PIK3R3: variants seen among roughly 807,000 people sequenced by gnomAD.
PIK3R3 encodes the protein phosphatidylinositol 3-kinase regulatory subunit gamma.
PIK3R3 carries 64 observed loss-of-function variants against 62.9 expected under a neutral mutation model. That is an observed-to-expected ratio of 1.02 (90% CI 0.83 to 1.25). The LOEUF (loss-of-function observed/expected upper bound fraction) is 1.25. Among genes scored for constraint, PIK3R3 ranks in the 50% most tolerant of loss-of-function variants. The probability of loss-of-function intolerance (pLI) is 0.00; values close to 1 mark genes in which losing one functional copy is unlikely to be tolerated. For synonymous variants in PIK3R3, 165 were observed against 189.0 expected (o/e 0.87, Z 1.04); for missense variants, 614 against 561.6 (o/e 1.09, Z -0.94).
chr1:46,071,995 G>C (rs1213289940), intron 3 of PIK3R3, among the ~76,000 whole-genome samples: 1 of 151,716 alleles, frequency 6.6e-6, no homozygotes, highest in Non-Finnish European at 1.5e-5. Context: ...CCGTATATTT[G>C]CTCCTATTGT....
At chr1:46,151,483 T>G in the PIK3R3 span, among the ~76,000 whole-genome samples, 1 of 152,130 alleles carries the variant, frequency 6.6e-6, no homozygotes, top group African/African-American at 2.4e-5. Context: ...GTGGTTCACA[T>G]CTGTAATCCC....
chr1:46,069,180 G>A (rs1649273205), intron 3 of PIK3R3, among the ~76,000 whole-genome samples: 1 of 152,168 alleles, frequency 6.6e-6, no homozygotes, highest in Admixed American at 6.6e-5. Context: ...TAAGCAATCA[G>A]AAGAATGGAA....
chr1:46,145,376 A>T, the PIK3R3 span, among the ~76,000 whole-genome samples: 1 of 152,112 alleles, frequency 6.6e-6, no homozygotes, highest in African/African-American at 2.4e-5. Flanking sequence ...CTTTTTAAAA[A>T]AAAAAAAAAG....
At chr1:46,123,814 T>C (rs1203533700) in intron 1 of PIK3R3, among the ~76,000 whole-genome samples, 1 of 152,234 alleles carries the variant, frequency 6.6e-6, no homozygotes, top group Non-Finnish European at 1.5e-5. Context: ...GCATTTAACA[T>C]AGTGCTTGGA....
chr1:46,124,568 G>C (rs559596709), intron 1 of PIK3R3, among the ~76,000 whole-genome samples: 2 of 151,850 alleles, frequency 1.3e-5, no homozygotes, highest in Admixed American at 1.3e-4. Flanking sequence ...AGGCCGAGGC[G>C]GGAAGACCAC....
At position 46,055,827 on chromosome 1, in the gene PIK3R3, G is replaced by C. The variant is rs758834403; in HGVS notation, c.909C>G (p.Ile303Met). 1.4e-6 allele frequency: 2 copies of C among 1,469,936 alleles called. No homozygotes were observed. The highest frequency in any genetic ancestry group is 1.8e-6 in the Non-Finnish European group (2 of 1,110,460). The allele number at this position is 1,469,936 out of a possible 1,614,324, so 91.1% of individuals were successfully genotyped here. A position where few individuals can be genotyped will look rare whatever the true frequency, so the allele number is the denominator to read the frequency against. The change falls in exon 7 of 10, where the codon ATC becomes ATG. Residue 303 changes from isoleucine (I) to methionine (M), a missense_variant. Ile to Met is a conservative substitution (Grantham distance 10, BLOSUM62 1). Transcript: ENST00000262741. ...GTTGATCTCGGATCTTTCGCAGCTGGATCAGGTCAGGTTTGATGCTATTCA... is the reference window on the plus strand; with the variant it reads ...GTTGATCTCGGATCTTTCGCAGCTGCATCAGGTCAGGTTTGATGCTATTCA... Reference protein sequence around the residue: ...KKMNSIKPDLIQLRKIRDQHL... With the variant: ...KKMNSIKPDLMQLRKIRDQHL...
chr1:46,062,088 G>A lies in PIK3R3; in HGVS notation c.622-17C>T, dbSNP rs757398147. The stretch of plus-strand genomic sequence containing the variant: ...CTGTATTTCCTACAGGAGAGAAAAA[G>A]AAAAAACACAGGCTTCATTATCTTT... On this transcript the variant is annotated splice_polypyrimidine_tract_variant and intron_variant, in intron 5 of 9. Coordinates refer to ENST00000262741, the MANE Select transcript of PIK3R3 (RefSeq NM_003629.4). The A allele has an allele frequency of 8.3e-6, 13 of 1,571,060 alleles. No individual in the cohort carries two copies. Among genetic ancestry groups the A allele is most frequent in the Admixed American group, 6.3e-5 (3 of 47,570 alleles).
intron 1 of PIK3R3, among the ~76,000 whole-genome samples, chr1:46,121,816 C>T (rs973401140): frequency 1.3e-5 from 2 of 152,092 alleles, no homozygotes; most frequent in African/African-American, 4.8e-5. Context: ...ATGGTATTGA[C>T]TTTGGCTTTG....
intron 1 of PIK3R3, among the ~76,000 whole-genome samples, chr1:46,107,296 A>T (rs1324391805): frequency 6.6e-6 from 1 of 152,012 alleles, no homozygotes; most frequent in Admixed American, 6.6e-5. Context: ...GTAAGCCTAG[A>T]TTGCACCACT....
the PIK3R3 span, among the ~76,000 whole-genome samples, chr1:46,156,441 A>G: frequency 6.7e-6 from 1 of 149,374 alleles, no homozygotes; most frequent in Non-Finnish European, 1.5e-5. Context: ...CCTGGGCAAC[A>G]GAGTGAGACT....
At chr1:46,167,878 G>A in the PIK3R3 span, among the ~76,000 whole-genome samples, 2 of 152,192 alleles carry the variant, frequency 1.3e-5, no homozygotes, top group African/African-American at 2.4e-5. Context: ...ACCTGTGGCC[G>A]GGTGCAGTGA....
chr1:46,132,942 T>C, upstream of PIK3R3: 1 of 1,151,508 alleles, frequency 8.7e-7, no homozygotes, highest in Non-Finnish European at 1.1e-6. Context: ...CTGGCCGCAC[T>C]CCAGGAGTCA....
At chr1:46,123,473 T>C (rs1384048426) in intron 1 of PIK3R3, among the ~76,000 whole-genome samples, 2 of 152,202 alleles carry the variant, frequency 1.3e-5, no homozygotes, top group African/African-American at 2.4e-5. Flanking sequence ...AGACTATGTA[T>C]ACCAAGTTTA....
At chr1:46,097,541 A>T (rs970457684) in intron 1 of PIK3R3, among the ~76,000 whole-genome samples, 1 of 152,126 alleles carries the variant, frequency 6.6e-6, no homozygotes, top group Non-Finnish European at 1.5e-5. Flanking sequence ...CTACAATCAA[A>T]AACAGCACAA....
the PIK3R3 span, among the ~76,000 whole-genome samples, chr1:46,154,617 A>G: frequency 6.6e-6 from 1 of 152,116 alleles, no homozygotes; most frequent in African/African-American, 2.4e-5. Flanking sequence ...TGAGAGACAG[A>G]ACTGAGGAAA....
In PIK3R3 at chr1:46,072,566, T is replaced by C. The variant is rs375452992; in HGVS notation, c.314+4949A>G. On this transcript the variant is annotated intron_variant, in intron 3 of 9. Coordinates refer to ENST00000262741, the MANE Select transcript of PIK3R3 (RefSeq NM_003629.4). ...TGTAGTATATACATATAGCAGACTA[T>C]TATTCAGCCTTAAAAGGAATGAAAT... Among the ~76,000 whole-genome samples, 13 of 152,348 alleles carry C rather than the reference T, an allele frequency of 8.5e-5. No homozygotes were observed. In the East Asian group the frequency reaches 2.3e-3, roughly 27 times the overall value.
At chr1:46,095,736 T>C (rs182389101) in intron 1 of PIK3R3, among the ~76,000 whole-genome samples, 1 of 152,302 alleles carries the variant, frequency 6.6e-6, no homozygotes, top group Admixed American at 6.5e-5. Context: ...GGTTGATATA[T>C]TAGATTGATA....
At chr1:46,056,024 C>T in intron 6 of PIK3R3, 53 bp from the exon 7 acceptor site, 1 of 1,240,784 alleles carries the variant, frequency 8.1e-7, no homozygotes, top group Non-Finnish European at 1.1e-6. Flanking sequence ...GCAGACAGAT[C>T]CTACTGGGTG....
the PIK3R3 span, among the ~76,000 whole-genome samples, chr1:46,160,134 TG>T: frequency 2.6e-5 from 4 of 152,222 alleles, no homozygotes; most frequent in East Asian, 1.9e-4. Flanking sequence ...TTTTCAGGCA[TG>T]GGGATAATTT....
Sources: gnomAD v4.1 joint callset for allele counts (sites outside exome capture counted in the v4.1 genomes callset) on GRCh38, gnomAD v4.1.1 for gene constraint, MANE v1.5 for transcripts, NCBI Gene and HGNC (gene_info 2026-07-23, HGNC 2026-07-21) for gene names.